The following CD96 variants were observed in gnomAD, a reference collection of about 807,000 sequenced individuals.
CD96 encodes CD96 molecule, also known as T-cell surface protein tactile.
Under a neutral mutation model 71.3 loss-of-function variants are expected in CD96, and 70 were observed. That is an observed-to-expected ratio of 0.98 (90% CI 0.81 to 1.20). The LOEUF (loss-of-function observed/expected upper bound fraction) is 1.20. CD96 is among the 50% of genes most tolerant of loss of function. The probability of loss-of-function intolerance (pLI) is 0.00; values close to 1 mark genes in which losing one functional copy is unlikely to be tolerated. For missense variants in CD96, 742 were observed against 677.5 expected (o/e 1.10, Z -1.06); for synonymous variants, 248 against 233.0 (o/e 1.06, Z -0.59).
intron 10 of CD96, among the ~76,000 whole-genome samples, chr3:111,626,256 G>A (rs1325510577): frequency 2.3e-5 from 3 of 130,830 alleles, no homozygotes; most frequent in Admixed American, 1.9e-4. Context: ...AGCCAAGATC[G>A]AGATTGCGCC....
At chr3:111,622,006 C>T (rs781048531) in intron 8 of CD96, among the ~76,000 whole-genome samples, 2 of 152,170 alleles carry the variant, frequency 1.3e-5, no homozygotes, top group Non-Finnish European at 2.9e-5. Flanking sequence ...ACAATTACCG[C>T]ACAAGAATCT....
intron 12 of CD96, among the ~76,000 whole-genome samples, chr3:111,644,917 T>G (rs990915841): frequency 8.5e-5 from 13 of 152,328 alleles, no homozygotes; most frequent in Non-Finnish European, 1.5e-4. Flanking sequence ...CTAGTGGGAA[T>G]GTAAACTAGT....
At chr3:111,639,262 C>G (rs1400722254) in intron 12 of CD96, among the ~76,000 whole-genome samples, 1 of 152,194 alleles carries the variant, frequency 6.6e-6, no homozygotes, top group Non-Finnish European at 1.5e-5. Context: ...CACCTGGAGA[C>G]AGACTCGGGG....
intron 2 of CD96, among the ~76,000 whole-genome samples, chr3:111,558,674 T>C (rs1234324330): frequency 1.9e-4 from 25 of 129,460 alleles, no homozygotes; most frequent in African/African-American, 7.5e-4. Context: ...TTCTCTTTTT[T>C]GGTTGTGTCT....
intron 4 of CD96, among the ~76,000 whole-genome samples, chr3:111,583,247 G>A (rs541932917): frequency 6.6e-6 from 1 of 152,300 alleles, no homozygotes; most frequent in South Asian, 2.1e-4. Context: ...TTGCATCTGG[G>A]TCACACAGAT....
chr3:111,610,387 G>A lies in CD96; in HGVS notation c.1180+3595G>A, dbSNP rs72939571. The stretch of plus-strand genomic sequence containing the variant: ...AAGGAAGTGAGATGAAGTATGTCAC[G>A]GAAACCAACTTCAAAGGCTGTGGTT... On this transcript the variant is annotated intron_variant, in intron 8 of 13. Coordinates refer to ENST00000352690, the MANE Select transcript of CD96 (RefSeq NM_005816.5). 6.7e-3 allele frequency among the ~76,000 whole-genome samples: 1,022 copies of A among 152,260 alleles called. 19 individuals carry two copies. The highest frequency in any genetic ancestry group is 0.023 in the African/African-American group (967 of 41,542).
intron 4 of CD96, among the ~76,000 whole-genome samples, chr3:111,584,762 A>G (rs1015733647): frequency 6.6e-6 from 1 of 152,182 alleles, no homozygotes; most frequent in Non-Finnish European, 1.5e-5. Flanking sequence ...TCCACAACAC[A>G]TGGGAATTCT....
intron 7 of CD96, among the ~76,000 whole-genome samples, chr3:111,601,435 G>A (rs2107651689): frequency 6.6e-6 from 1 of 152,230 alleles, no homozygotes; most frequent in South Asian, 2.1e-4. Flanking sequence ...TTAGCTAATA[G>A]AAGATTTTTA....
chr3:111,574,436 T>C (rs541576718), intron 3 of CD96, among the ~76,000 whole-genome samples: 43 of 152,320 alleles, frequency 2.8e-4, no homozygotes, highest in Middle Eastern at 3.4e-3. Context: ...ACATTTCTGA[T>C]ACCAAGCATT....
chr3:111,654,082 G>C (rs1940171372), downstream of CD96, among the ~76,000 whole-genome samples: 1 of 152,194 alleles, frequency 6.6e-6, no homozygotes. Context: ...AGACTTAGGA[G>C]GGTGGCTTTG....
At chr3:111,656,383 C>T (rs576087620), downstream of CD96, among the ~76,000 whole-genome samples, 1 of 152,294 alleles carries the variant, frequency 6.6e-6, no homozygotes, top group African/African-American at 2.4e-5. Flanking sequence ...TTGGGGAAAA[C>T]ATGCACACTC....
At chr3:111,597,513 C>T (rs1937314109) in intron 5 of CD96, among the ~76,000 whole-genome samples, 1 of 152,182 alleles carries the variant, frequency 6.6e-6, no homozygotes, top group African/African-American at 2.4e-5. Flanking sequence ...CCTCGAACCA[C>T]TGGGTGCCTT....
chr3:111,638,317 C>G, intron 12 of CD96, 149 bp downstream of exon 12: 1 of 697,750 alleles, frequency 1.4e-6, no homozygotes, highest in Non-Finnish European at 2.6e-6. Context: ...TATTAGTGAT[C>G]GATCATGTGT....
intron 3 of CD96, 101 bp from the exon 4 acceptor site, chr3:111,578,926 C>G: frequency 1.3e-6 from 1 of 752,678 alleles, no homozygotes; most frequent in Non-Finnish European, 2.5e-6. Flanking sequence ...CATTCTTCCT[C>G]TCTACTTTAC....
chr3:111,542,889 A>G (rs958206966), intron 1 of CD96, among the ~76,000 whole-genome samples: 21 of 152,244 alleles, frequency 1.4e-4, no homozygotes, highest in African/African-American at 5.1e-4. Context: ...TAAAAAGAGA[A>G]GGAAGCAAGA....
intron 3 of CD96, among the ~76,000 whole-genome samples, chr3:111,568,014 A>C (rs1017987897): frequency 3.9e-5 from 6 of 152,244 alleles, no homozygotes; most frequent in Non-Finnish European, 8.8e-5. Flanking sequence ...ATGCAGAGCT[A>C]CAGACTCCTT....
intron 8 of CD96, chr3:111,612,695 A>G (rs1312944903): frequency 1.3e-5 from 2 of 159,518 alleles, no homozygotes; most frequent in East Asian, 1.9e-4. Flanking sequence ...TGCCTCAAAG[A>G]GTACATGGTT....
intron 2 of CD96, among the ~76,000 whole-genome samples, chr3:111,562,057 C>T (rs1935461712): frequency 1.3e-5 from 2 of 152,280 alleles, no homozygotes; most frequent in Admixed American, 1.3e-4. Flanking sequence ...ATGCCTCGCC[C>T]TGCTTCGGCT....
At chr3:111,612,864 A>G (rs1049014661) in intron 8 of CD96, 1 of 969,484 alleles carries the variant, frequency 1.0e-6, no homozygotes, top group Non-Finnish European at 1.2e-6. Context: ...GAGAGTGAAG[A>G]TAACATTTCC....
Sources: allele counts gnomAD v4.1 joint callset (sites outside exome capture counted in the v4.1 genomes callset), GRCh38; gene constraint gnomAD v4.1.1; transcripts MANE v1.5; gene names NCBI Gene and HGNC (gene_info 2026-07-23, HGNC 2026-07-21).